Variants in RAVER1 observed in about 807,000 individuals in gnomAD.
RAVER1 encodes ribonucleoprotein, PTB binding 1.
Under a neutral mutation model 68.4 loss-of-function variants are expected in RAVER1, and 36 were observed. That is an observed-to-expected ratio of 0.53 (90% CI 0.40 to 0.70). RAVER1 has a LOEUF of 0.70. Ranked by LOEUF, RAVER1 falls within the 30% of genes least tolerant of loss-of-function variation. The probability of loss-of-function intolerance (pLI) is 0.00; values close to 1 mark genes in which losing one functional copy is unlikely to be tolerated. For missense variants in RAVER1, 933 were observed against 1,019.8 expected, an observed-to-expected ratio of 0.91 and a Z score of 1.16; for synonymous variants, 469 against 472.7, an observed-to-expected ratio of 0.99 and a Z score of 0.10.
rs1313032141 is a variant in RAVER1, at chr19:10,328,633, A to G, written c.756+9T>C. 2.7e-5 allele frequency: 41 copies of G among 1,542,618 alleles called. No homozygotes were observed. Among genetic ancestry groups the G allele is most frequent in the Non-Finnish European group, 3.5e-5 (40 of 1,140,278 alleles). On this transcript the variant is annotated intron_variant, in intron 3 of 12. Coordinates refer to ENST00000617231, the MANE Select transcript of RAVER1 (RefSeq NM_133452.3). This position sits in a 1 kb window ranked among gnomAD's most constrained non-coding sequence, Gnocchi z 4.4. ...GCACCTGCTCCCCAATGCTCTCCAC[A>G]GGGCTCACCTGGCAGAAGGTGGGGC...
chr19:10,322,799 G>A lies in RAVER1; in HGVS notation c.1079-60C>T, dbSNP rs533199451. ...CTGTGTCCTCCCTGCCCCACCTCACGAAACACAGCCCTGAACCCATTGATG... is the reference window on the plus strand; with the variant it reads ...CTGTGTCCTCCCTGCCCCACCTCACAAAACACAGCCCTGAACCCATTGATG... On this transcript the variant is annotated intron_variant, in intron 5 of 12. Coordinates refer to ENST00000617231, the MANE Select transcript of RAVER1 (RefSeq NM_133452.3). This position sits in a 1 kb window ranked among gnomAD's most constrained non-coding sequence, Gnocchi z 4.3. The A allele has an allele frequency of 9.8e-6, 10 of 1,025,348 alleles. 1 individual carries two copies. The South Asian group carries it at 1.4e-4, about 14-fold the overall frequency. The allele number at this position is 1,025,348 out of a possible 1,614,324, so 63.5% of individuals were successfully genotyped here.
intron 1 of RAVER1, among the ~76,000 whole-genome samples, chr19:10,332,503 C>G (rs1308977803): frequency 6.6e-6 from 1 of 152,240 alleles, no homozygotes; most frequent in African/African-American, 2.4e-5. Flanking sequence ...GTTCCACTAG[C>G]CACGTGCCCA....
In RAVER1 at chr19:10,317,172, G is replaced by C; in HGVS notation, c.*282C>G. ...AGGGCTCCGGAGAGACGGGCACAGC[G>C]GAGGAGGAGATGGGGGGAGGGAGGG... is the stretch of plus-strand genomic sequence containing the variant. On this transcript the variant is annotated 3_prime_UTR_variant, in exon 13 of 13. Coordinates refer to ENST00000617231, the MANE Select transcript of RAVER1 (RefSeq NM_133452.3). This position sits in a 1 kb window ranked among gnomAD's most constrained non-coding sequence, Gnocchi z 4.3. The C allele has an allele frequency of 2.1e-6, 1 of 486,216 alleles. No individual in the cohort carries two copies. Among genetic ancestry groups the C allele is most frequent in the Non-Finnish European group, 3.7e-6 (1 of 272,496 alleles). 30.1% of individuals were successfully genotyped at this position (486,216 alleles called of 1,614,324 possible). A position where few individuals can be genotyped will look rare whatever the true frequency, so the allele number is the denominator to read the frequency against.
Position 10,320,830 on chromosome 19 carries a change from G to C in RAVER1, c.1595C>G (p.Ala532Gly). Residue 532 changes from alanine to glycine, a missense_variant, in exon 9 of 13, where the codon GCC becomes GGC. This residue lies in a region of RAVER1 where 699 missense variants were observed against 731.1 expected (regional missense o/e 0.96). Transcript: ENST00000617231. The stretch of plus-strand genomic sequence containing the variant: ...CTCAGCTGGGCGGCGGCTTCTCCCG[G>C]CGCCTCCCCAGCCCCGGGCCTCCTT... ...AGKEARGWGG[A>G]GRSRRPAEGP... is the part of the protein sequence containing the mutation. 6.6e-7 allele frequency: 1 copy of C among 1,520,136 alleles called. No individual in the cohort carries two copies. The highest frequency in any genetic ancestry group is 8.8e-7 in the Non-Finnish European group (1 of 1,141,226). 94.2% of individuals were successfully genotyped at this position (1,520,136 alleles called of 1,614,324 possible).
chr19:10,317,603 G>A lies in RAVER1; in HGVS notation c.2074-3C>T. ...CGTTTCTGGCCGCCCAGTGGGGTCT[G>A]GAGACAGAGGGCAGGGCGGGGCGGG... On this transcript the variant is annotated splice_region_variant and splice_polypyrimidine_tract_variant and intron_variant, in intron 12 of 12. Coordinates refer to ENST00000617231, the MANE Select transcript of RAVER1 (RefSeq NM_133452.3). This position sits in a 1 kb window ranked among gnomAD's most constrained non-coding sequence, Gnocchi z 4.3. 6.2e-7 allele frequency: 1 copy of A among 1,605,724 alleles called. No individual in the cohort carries two copies. Among genetic ancestry groups the A allele is most frequent in the Non-Finnish European group, 8.5e-7 (1 of 1,176,612 alleles).
At chr19:10,330,954 C>T (rs1466966120) in intron 1 of RAVER1, among the ~76,000 whole-genome samples, 1 of 151,854 alleles carries the variant, frequency 6.6e-6, no homozygotes, top group Non-Finnish European at 1.5e-5. Context: ...ATCCTAGCTA[C>T]TCGGGAGGCT....
Position 10,317,257 on chromosome 19 carries a change from A to C in RAVER1, c.*197T>G. The C allele has an allele frequency of 1.6e-6, 1 of 638,628 alleles. No homozygotes were observed. The highest frequency in any genetic ancestry group is 2.7e-6 in the Non-Finnish European group (1 of 366,800). The allele number at this position is 638,628 out of a possible 1,614,324, so 39.6% of individuals were successfully genotyped here. A position where few individuals can be genotyped will look rare whatever the true frequency, so the allele number is the denominator to read the frequency against. On this transcript the variant is annotated 3_prime_UTR_variant, in exon 13 of 13. Transcript: ENST00000617231. The surrounding 1 kb of genome is among the most constrained non-coding windows in gnomAD (Gnocchi z 4.3). ...AGGGTTTCAGCGTGGGGAGCAAGCC[A>C]GAGACATAATGAGGCCTCCAGACTC...
chr19:10,319,149 TA>T lies in RAVER1; in HGVS notation c.1845+16del. 1 of 1,612,932 alleles carries T rather than the reference TA, an allele frequency of 6.2e-7. No individual in the cohort carries two copies. The highest frequency in any genetic ancestry group is 8.5e-7 in the Non-Finnish European group (1 of 1,179,056). On this transcript the variant is annotated intron_variant, in intron 10 of 12. Transcript: ENST00000617231. ...TAAAAGCTGATTGCTACACATGCCA[TA>T]CCAGGTGGCTCTTACCTTGTGTCGG...
chr19:10,331,193 C>T (rs1397204680), intron 1 of RAVER1, among the ~76,000 whole-genome samples: 1 of 147,842 alleles, frequency 6.8e-6, no homozygotes. Flanking sequence ...ACTAAAAATA[C>T]AAAAAAATTA....
At chr19:10,319,501 G>A (rs1319843234) in intron 9 of RAVER1, among the ~76,000 whole-genome samples, 3 of 152,326 alleles carry the variant, frequency 2.0e-5, no homozygotes, top group East Asian at 1.9e-4. Context: ...CTGTGTTGGC[G>A]TTAGTTCCTG....
chr19:10,318,514 A>G (rs912418244), intron 10 of RAVER1, 142 bp from the exon 11 acceptor site: 5 of 614,640 alleles, frequency 8.1e-6, no homozygotes, highest in Non-Finnish European at 1.4e-5. Context: ...ATGCGCCACC[A>G]TGCCCAGCTA....
Position 10,320,689 on chromosome 19 carries a change from C to T in RAVER1, c.1736G>A (p.Gly579Glu), listed in dbSNP as rs759699975. 1.1e-5 allele frequency: 17 copies of T among 1,552,632 alleles called. No homozygotes were observed. Among genetic ancestry groups the T allele is most frequent in the Non-Finnish European group, 1.2e-5 (14 of 1,154,770 alleles). Reference sequence around the variant, plus strand: ...GTCGAAGCTGTAGCTGTCAGACAGTCCTGGTTCGGGGGGCAGGCGGGCGCT... The same window carrying T: ...GTCGAAGCTGTAGCTGTCAGACAGTTCTGGTTCGGGGGGCAGGCGGGCGCT... ...LSSARLPPEP[G>E]LSDSYSFDYP... Residue 579 changes from glycine (G) to glutamate (E), a missense_variant, in exon 9 of 13, where the codon GGA becomes GAA. Transcript: ENST00000617231.
chr19:10,319,985 G>C (rs958690491), intron 9 of RAVER1, among the ~76,000 whole-genome samples: 1 of 152,012 alleles, frequency 6.6e-6, no homozygotes, highest in Non-Finnish European at 1.5e-5. Flanking sequence ...ATCATAGAAG[G>C]ACCAAATCTC....
In RAVER1 at chr19:10,322,722, G is replaced by T; in HGVS notation, c.1096C>A (p.Pro366Thr). ...GGKQGLLGAP[P>T]AMPLLNGPAL... The stretch of plus-strand genomic sequence containing the variant: ...GGCCCATTGAGCAGCGGCATGGCTG[G>T]GGGGGCACCCAGGAGGCCTGGAGGG... Residue 366 changes from proline to threonine, a missense_variant, in exon 6 of 13, where the codon CCA (proline) becomes ACA (threonine). Transcript: ENST00000617231. This position sits in a 1 kb window ranked among gnomAD's most constrained non-coding sequence, Gnocchi z 4.3. 6.6e-7 allele frequency: 1 copy of T among 1,514,408 alleles called. No homozygotes were observed. Among genetic ancestry groups the T allele is most frequent in the Non-Finnish European group, 8.8e-7 (1 of 1,141,398 alleles). The allele number at this position is 1,514,408 out of a possible 1,614,324, so 93.8% of individuals were successfully genotyped here.
intron 10 of RAVER1, 31 bp from the exon 11 acceptor site, chr19:10,318,403 G>A: frequency 6.4e-7 from 1 of 1,551,912 alleles, no homozygotes; most frequent in Non-Finnish European, 8.7e-7. Context: ...GAGTGAAGCA[G>A]ACAATTGTAG....
chr19:10,330,661 C>A, intron 1 of RAVER1, 135 bp from the exon 2 acceptor site: 2 of 615,120 alleles, frequency 3.3e-6, no homozygotes, highest in Admixed American at 2.7e-5. Flanking sequence ...GAAACTGAGG[C>A]TCGATGCAGT....
At position 10,323,346 on chromosome 19, in the gene RAVER1, C is replaced by CCCCG; in HGVS notation, c.948+25_948+28dup. 3 of 1,607,818 alleles carry CCCCG rather than the reference C, an allele frequency of 1.9e-6. No homozygotes were observed. Among genetic ancestry groups the CCCCG allele is most frequent in the Non-Finnish European group, 2.5e-6 (3 of 1,177,210 alleles). On this transcript the variant is annotated intron_variant, in intron 4 of 12. Transcript: ENST00000617231. This position sits in a 1 kb window ranked among gnomAD's most constrained non-coding sequence, Gnocchi z 6.2. ...CATCCCCATGGGGCTCCCATCCCCA[C>CCCCG]CCCGCCACCTCTGCCCGCACAGGCT... is the stretch of plus-strand genomic sequence containing the variant.
intron 1 of RAVER1, among the ~76,000 whole-genome samples, chr19:10,331,381 AAATAAC>A (rs2040516039): frequency 3.2e-5 from 4 of 123,100 alleles, no homozygotes; most frequent in Non-Finnish European, 5.1e-5. Flanking sequence ...AAAAAAAAAA[AAATAAC>A]AACAACAAAA....
chr19:10,319,366 A>C (rs561472585), intron 9 of RAVER1, 126 bp from the exon 10 acceptor site: 1 of 915,344 alleles, frequency 1.1e-6, no homozygotes, highest in South Asian at 1.5e-5. Flanking sequence ...GAAGAGGCAA[A>C]TTTGGGGCTG....
Sources: gnomAD v4.1 joint callset for allele counts (sites outside exome capture counted in the v4.1 genomes callset) on GRCh38, gnomAD v4.1.1 for gene constraint, gnomAD v4.1.1 regional missense constraint, Gnocchi (gnomAD v3.1) non-coding constraint, MANE v1.5 for transcripts, NCBI Gene and HGNC (gene_info 2026-07-23, HGNC 2026-07-21) for gene names.